SGMS1: variants seen among roughly 807,000 people sequenced by gnomAD.
SGMS1 encodes the protein phosphatidylcholine:ceramide cholinephosphotransferase 1.
A neutral mutation model predicts 46.2 loss-of-function variants in SGMS1; 13 were observed. The ratio of observed to expected loss-of-function variants is 0.28; its 90% confidence interval spans 0.18 to 0.45. The LOEUF is 0.45. Ranked by LOEUF, SGMS1 falls within the 20% of genes least tolerant of loss-of-function variation. SGMS1 has a pLI of 1.00. For synonymous variants in SGMS1, 203 were observed against 187.8 expected (o/e 1.08, Z -0.66); for missense variants, 324 against 519.9 (o/e 0.62, Z 3.66).
chr10:50,410,298 A>G (rs546675650), intron 6 of SGMS1, among the ~76,000 whole-genome samples: 1 of 152,218 alleles, frequency 6.6e-6, no homozygotes, highest in Non-Finnish European at 1.5e-5. Context: ...GGTGAAGACA[A>G]GCAAACCTGG....
chr10:50,337,611 T>C (rs1847736811), intron 7 of SGMS1, among the ~76,000 whole-genome samples: 1 of 152,180 alleles, frequency 6.6e-6, no homozygotes, highest in Non-Finnish European at 1.5e-5. Flanking sequence ...ATCAACTTAA[T>C]GTGAAAAGAA....
chr10:50,421,261 C>T (rs1042731678), intron 6 of SGMS1, among the ~76,000 whole-genome samples: 1 of 152,200 alleles, frequency 6.6e-6, no homozygotes, highest in Non-Finnish European at 1.5e-5. Flanking sequence ...GCCAAATAAC[C>T]CGCTGGTCCA....
At chr10:50,538,551 C>CA (rs1389608480) in intron 2 of SGMS1, among the ~76,000 whole-genome samples, 1 of 151,956 alleles carries the variant, frequency 6.6e-6, no homozygotes, top group Non-Finnish European at 1.5e-5. Flanking sequence ...CTCCCACTCC[C>CA]AACTACTGAA....
chr10:50,537,618 C>T (rs1210331582), intron 2 of SGMS1, among the ~76,000 whole-genome samples: 2 of 150,536 alleles, frequency 1.3e-5, no homozygotes, highest in African/African-American at 4.9e-5. Flanking sequence ...ACCCCCTGCC[C>T]GCCCCCATTC....
At chr10:50,374,522 C>G (rs1848494473) in intron 6 of SGMS1, among the ~76,000 whole-genome samples, 1 of 149,328 alleles carries the variant, frequency 6.7e-6, no homozygotes, top group Non-Finnish European at 1.5e-5. Context: ...ACCTCTAACA[C>G]TGTGTGGTCT....
At position 50,307,680 on chromosome 10, in the gene SGMS1, A is replaced by C. The variant is rs1205232331; in HGVS notation, c.1062+302T>G. 6.6e-6 allele frequency among the ~76,000 whole-genome samples: 1 copy of C among 152,216 alleles called. No homozygotes were observed. Among genetic ancestry groups the C allele is most frequent in the Non-Finnish European group, 1.5e-5 (1 of 68,032 alleles). ...GTGATGTGCCCCGGGTAGGGAGAAG[A>C]GGATAGGAAAGCAAATCAAGCAAGG... On this transcript the variant is annotated intron_variant, in intron 10 of 10. Transcript: ENST00000361781. This position sits in a 1 kb window ranked among gnomAD's most constrained non-coding sequence, Gnocchi z 4.2.
At chr10:50,599,177 C>A (rs1247385083) in intron 1 of SGMS1, among the ~76,000 whole-genome samples, 5 of 152,126 alleles carry the variant, frequency 3.3e-5, no homozygotes, top group Admixed American at 3.3e-4. Context: ...CAAAACTATA[C>A]AGATTTTCAT....
chr10:50,475,422 A>G (rs955465786), intron 3 of SGMS1, among the ~76,000 whole-genome samples: 7 of 152,186 alleles, frequency 4.6e-5, no homozygotes, highest in African/African-American at 1.7e-4. Flanking sequence ...ATATGCTTTT[A>G]ACTTTTCAAA....
At chr10:50,624,935 G>A, upstream of SGMS1, 2 of 1,016,466 alleles carry the variant, frequency 2.0e-6, no homozygotes, top group Non-Finnish European at 2.4e-6. Flanking sequence ...GACTGTCCGC[G>A]GCGCTCCGGG....
intron 6 of SGMS1, among the ~76,000 whole-genome samples, chr10:50,406,612 A>C (rs1276892324): frequency 6.6e-6 from 1 of 152,040 alleles, no homozygotes; most frequent in African/African-American, 2.4e-5. Context: ...GGAGTAGTAG[A>C]TGCTACCTAT....
intron 6 of SGMS1, among the ~76,000 whole-genome samples, chr10:50,357,038 A>G (rs569668016): frequency 6.6e-6 from 1 of 152,188 alleles, no homozygotes; most frequent in East Asian, 1.9e-4. Context: ...ACAAACCTGC[A>G]CATTGTATAC....
At chr10:50,360,625 C>T (rs954192628) in intron 6 of SGMS1, among the ~76,000 whole-genome samples, 3 of 152,162 alleles carry the variant, frequency 2.0e-5, no homozygotes, top group Non-Finnish European at 2.9e-5. Flanking sequence ...AACTTGGACA[C>T]GGATTCACTC....
intron 2 of SGMS1, among the ~76,000 whole-genome samples, chr10:50,531,907 T>C (rs562464932): frequency 6.6e-6 from 1 of 152,300 alleles, no homozygotes; most frequent in South Asian, 2.1e-4. Context: ...GAGAGAATGG[T>C]CAGTAACCAG....
At chr10:50,479,774 A>G (rs1187264604) in intron 3 of SGMS1, among the ~76,000 whole-genome samples, 4 of 152,118 alleles carry the variant, frequency 2.6e-5, no homozygotes, top group Admixed American at 2.6e-4. Flanking sequence ...TGATGTATAT[A>G]TATTTTTTAT....
chr10:50,610,579 C>T (rs1838740719), intron 1 of SGMS1, among the ~76,000 whole-genome samples: 1 of 152,158 alleles, frequency 6.6e-6, no homozygotes. Flanking sequence ...CATGCTGAGG[C>T]CCCTATGGAA....
chr10:50,416,418 G>C (rs890843433), intron 6 of SGMS1, among the ~76,000 whole-genome samples: 2 of 152,206 alleles, frequency 1.3e-5, no homozygotes, highest in South Asian at 2.1e-4. Flanking sequence ...AAGCATCTCA[G>C]TGCCTGATAA....
chr10:50,519,476 T>C (rs535055819), intron 3 of SGMS1, among the ~76,000 whole-genome samples: 30 of 152,324 alleles, frequency 2.0e-4, no homozygotes, highest in African/African-American at 7.0e-4. Flanking sequence ...TCCTAGAACC[T>C]TTCCTACCTG....
chr10:50,470,098 G>C (rs1377718358), intron 3 of SGMS1, among the ~76,000 whole-genome samples: 2 of 152,272 alleles, frequency 1.3e-5, no homozygotes, highest in South Asian at 2.1e-4. Flanking sequence ...ATTGCAGCAG[G>C]CATGCTTCGT....
intron 1 of SGMS1, among the ~76,000 whole-genome samples, chr10:50,595,762 C>T (rs1838585796): frequency 6.6e-6 from 1 of 152,118 alleles, no homozygotes; most frequent in Non-Finnish European, 1.5e-5. Context: ...GAAACAGATG[C>T]CATATTGGGG....
Sources: gnomAD v4.1 joint callset for allele counts (sites outside exome capture counted in the v4.1 genomes callset) on GRCh38, gnomAD v4.1.1 for gene constraint, Gnocchi (gnomAD v3.1) non-coding constraint, MANE v1.5 for transcripts, NCBI Gene and HGNC (gene_info 2026-07-23, HGNC 2026-07-21) for gene names.